NTM: variants seen among roughly 807,000 people sequenced by gnomAD.
NTM encodes the protein IgLON family member 2.
Under a neutral mutation model 42.1 loss-of-function variants are expected in NTM, and 13 were observed. The ratio of observed to expected loss-of-function variants is 0.31; its 90% CI spans 0.20 to 0.49. The LOEUF is 0.49. Among genes scored for constraint, NTM ranks in the 20% least tolerant of loss-of-function variants. NTM has a pLI of 0.99. For synonymous variants in NTM, 187 were observed against 179.2 expected, an observed-to-expected ratio of 1.04 and a Z score of -0.35; for missense variants, 373 against 452.8, an observed-to-expected ratio of 0.82 and a Z score of 1.60.
intron 1 of NTM, among the ~76,000 whole-genome samples, chr11:131,672,564 G>A (rs1212399663): frequency 6.6e-6 from 1 of 152,162 alleles, no homozygotes; most frequent in Non-Finnish European, 1.5e-5. Context: ...CATCAGACCA[G>A]GCTCAAACCC....
chr11:132,079,567 A>G (rs899463703), intron 2 of NTM, among the ~76,000 whole-genome samples: 4 of 152,184 alleles, frequency 2.6e-5, no homozygotes, highest in Non-Finnish European at 4.4e-5. Flanking sequence ...GGAGTTTTCC[A>G]TATTTTCTCT....
intron 1 of NTM, among the ~76,000 whole-genome samples, chr11:131,747,525 T>A (rs932426501): frequency 6.6e-6 from 1 of 152,156 alleles, no homozygotes; most frequent in Non-Finnish European, 1.5e-5. Context: ...CCTTCGTTGT[T>A]CTCCTTCCAT....
chr11:132,221,536 C>A (rs2085162579), intron 4 of NTM, among the ~76,000 whole-genome samples: 1 of 152,048 alleles, frequency 6.6e-6, no homozygotes, highest in Non-Finnish European at 1.5e-5. Context: ...TAGTGTAGTT[C>A]TCAAAGGGCA....
intron 2 of NTM, among the ~76,000 whole-genome samples, chr11:132,059,549 C>T (rs1289183447): frequency 2.0e-5 from 3 of 152,120 alleles, no homozygotes; most frequent in African/African-American, 4.8e-5. Context: ...TGTGTGGTAC[C>T]GGCTGAACTC....
intron 2 of NTM, among the ~76,000 whole-genome samples, chr11:132,005,982 C>T (rs1029430663): frequency 1.3e-5 from 2 of 152,150 alleles, no homozygotes; most frequent in African/African-American, 4.8e-5. Context: ...TTAGTGTTTT[C>T]CCTGTGGCCC....
intron 2 of NTM, among the ~76,000 whole-genome samples, chr11:132,032,240 T>G (rs1368826390): frequency 6.6e-6 from 1 of 152,184 alleles, no homozygotes; most frequent in African/African-American, 2.4e-5. Flanking sequence ...TGGTCTTGTT[T>G]TCTTCCTGCT....
intron 4 of NTM, among the ~76,000 whole-genome samples, chr11:132,273,109 A>G (rs1264690623): frequency 6.6e-6 from 1 of 151,850 alleles, no homozygotes; most frequent in Admixed American, 6.6e-5. Context: ...TTTTTTTATC[A>G]TGAAGGAGTG....
chr11:131,402,463 G>T (rs1055472650), intron 1 of NTM, among the ~76,000 whole-genome samples: 2 of 150,590 alleles, frequency 1.3e-5, no homozygotes, highest in Non-Finnish European at 1.5e-5. Context: ...TAGCAGATTA[G>T]TTTCCATGGG....
At chr11:131,868,681 G>C (rs900002517) in intron 1 of NTM, among the ~76,000 whole-genome samples, 3 of 152,122 alleles carry the variant, frequency 2.0e-5, no homozygotes, top group South Asian at 2.1e-4. Flanking sequence ...CTTTGTTATT[G>C]TTTTCTTTTT....
At chr11:132,098,766 C>G (rs1197711406) in intron 2 of NTM, among the ~76,000 whole-genome samples, 1 of 152,242 alleles carries the variant, frequency 6.6e-6, no homozygotes, top group African/African-American at 2.4e-5. Context: ...GTAGCCCCAA[C>G]CTGGGGTTGA....
intron 1 of NTM, among the ~76,000 whole-genome samples, chr11:131,442,578 C>T (rs1228622990): frequency 6.6e-6 from 1 of 152,082 alleles, no homozygotes; most frequent in Non-Finnish European, 1.5e-5. Flanking sequence ...TTCCCATCTT[C>T]CCCCCTTTTG....
intron 1 of NTM, among the ~76,000 whole-genome samples, chr11:131,739,203 A>G (rs1300989625): frequency 6.6e-6 from 1 of 151,692 alleles, no homozygotes; most frequent in African/African-American, 2.4e-5. Context: ...TTTTTTTTAA[A>G]GAGTCCAGTG....
chr11:132,250,826 G>A (rs1205290304), intron 4 of NTM, among the ~76,000 whole-genome samples: 1 of 151,950 alleles, frequency 6.6e-6, no homozygotes, highest in Non-Finnish European at 1.5e-5. Flanking sequence ...TACAGTCAAT[G>A]TTTCATGATT....
At chr11:132,237,850 C>T (rs1360005975) in intron 4 of NTM, among the ~76,000 whole-genome samples, 2 of 152,196 alleles carry the variant, frequency 1.3e-5, no homozygotes, top group African/African-American at 4.8e-5. Flanking sequence ...TTCGCTGAAC[C>T]CTTTCAATAG....
At chr11:132,323,783 A>C (rs1233842340) in intron 7 of NTM, among the ~76,000 whole-genome samples, 2 of 152,132 alleles carry the variant, frequency 1.3e-5, no homozygotes, top group South Asian at 4.1e-4. Context: ...TCAATAAAAT[A>C]CTGGCAAACT....
chr11:131,874,032 T>TATAATATAATATA (rs1295105950), intron 1 of NTM, among the ~76,000 whole-genome samples: 1 of 16,872 alleles, frequency 5.9e-5, no homozygotes, highest in African/African-American at 5.5e-4. Context: ...TATAATATAA[T>TATAATATAATATA]ATATATATAT....
chr11:132,190,515 A>G lies in NTM; in HGVS notation c.401-21507A>G, dbSNP rs572287803. Among the ~76,000 whole-genome samples, 5 of 152,130 alleles carry G rather than the reference A, an allele frequency of 3.3e-5. No homozygotes were observed. In the East Asian group the frequency reaches 9.7e-4, roughly 29 times the overall value. ...CACTTTGGGAGGCCGAGGCAGGTGG[A>G]TTGTGAGGTCAGGAGTTCAAGACCA... On this transcript the variant is annotated intron_variant, in intron 3 of 8. Transcript: ENST00000683400.
chr11:131,691,562 C>T (rs1009916281), intron 1 of NTM, among the ~76,000 whole-genome samples: 1 of 152,004 alleles, frequency 6.6e-6, no homozygotes, highest in African/African-American at 2.4e-5. Context: ...CTGAAAGCCC[C>T]CCCCCGACTT....
rs59056785 is a variant in NTM, at chr11:131,671,059, G to GTA, written c.83-240505_83-240504insTA. Among the ~76,000 whole-genome samples the GTA allele has an allele frequency of 1.6e-3, 236 of 152,016 alleles. 8 individuals carry two copies. In the East Asian group the frequency reaches 0.042, roughly 27 times the overall value. ...CTCCATCCTCCCTTCTCTGTTTCCT[G>GTA]CCCCCATCATCTTTCTTCTGACCCT... On this transcript the variant is annotated intron_variant, in intron 1 of 8. Transcript: ENST00000683400.
Sources: allele counts gnomAD v4.1 joint callset (sites outside exome capture counted in the v4.1 genomes callset), GRCh38; gene constraint gnomAD v4.1.1; transcripts MANE v1.5; gene names NCBI Gene and HGNC (gene_info 2026-07-23, HGNC 2026-07-21).